ATP12A: variants seen among roughly 807,000 people sequenced by gnomAD.
ATP12A encodes ATPase H+/K+ transporting non-gastric alpha2 subunit, also known as potassium-transporting ATPase alpha chain 2.
A neutral mutation model predicts 111.2 loss-of-function variants in ATP12A; 81 were observed. The observed-to-expected ratio is 0.73, with a 90% confidence interval of 0.61 to 0.88. The LOEUF is 0.88. Among genes scored for constraint, ATP12A ranks in the 40% least tolerant of loss-of-function variants. The probability of loss-of-function intolerance (pLI) is 0.00; values close to 1 mark genes in which losing one functional copy is unlikely to be tolerated. For missense variants in ATP12A, 1,196 were observed against 1,313.1 expected (o/e 0.91, Z 1.38); for synonymous variants, 498 against 499.8 (o/e 1.00, Z 0.05).
chr13:24,686,368 A>T (rs1274508090), intron 3 of ATP12A, among the ~76,000 whole-genome samples: 1 of 148,910 alleles, frequency 6.7e-6, no homozygotes, highest in African/African-American at 2.5e-5. Context: ...GAAACCCAGG[A>T]GGCAGAGGTT....
chr13:24,697,772 CTT>C (rs1875228790), intron 11 of ATP12A, among the ~76,000 whole-genome samples: 1 of 151,692 alleles, frequency 6.6e-6, no homozygotes, highest in Admixed American at 6.6e-5. Flanking sequence ...TTCTCAATGT[CTT>C]TACTTGATCA....
chr13:24,689,586 C>A (rs895426), intron 5 of ATP12A, among the ~76,000 whole-genome samples: 1 of 152,096 alleles, frequency 6.6e-6, no homozygotes, highest in East Asian at 1.9e-4. Context: ...GCTGGTTAGC[C>A]CAAGGCATCT....
chr13:24,695,693 C>T (rs1387042809), intron 11 of ATP12A, among the ~76,000 whole-genome samples: 1 of 150,426 alleles, frequency 6.6e-6, no homozygotes, highest in East Asian at 2.0e-4. Context: ...CTGCAACCTC[C>T]GCCTCCCAGG....
In ATP12A at chr13:24,698,817, A is replaced by G; in HGVS notation, c.1672A>G (p.Met558Val). Residue 558 changes from methionine to valine, a missense_variant, in exon 12 of 23, where the codon ATG (methionine) becomes GTG (valine). By Grantham distance (21) the Met-to-Val change is conservative (BLOSUM62 1). Transcript: ENST00000381946. ...TGCCAAGACCTTCCACACAGCCTACATGGAGCTGGGCGGGTTGGGCGAGCG... is the reference window on the plus strand; with the variant it reads ...TGCCAAGACCTTCCACACAGCCTACGTGGAGCTGGGCGGGTTGGGCGAGCG... ...STAKTFHTAY[M>V]ELGGLGERVL... 1.9e-6 allele frequency: 3 copies of G among 1,614,012 alleles called. No homozygotes were observed. Among genetic ancestry groups the G allele is most frequent in the Non-Finnish European group, 2.5e-6 (3 of 1,180,022 alleles).
At position 24,690,933 on chromosome 13, in the gene ATP12A, C is replaced by A. The variant is rs752080019; in HGVS notation, c.800-49C>A. The A allele has an allele frequency of 1.7e-5, 28 of 1,605,932 alleles. No individual in the cohort carries two copies. The East Asian group carries it at 6.0e-4, about 35-fold the overall frequency. ...GAGAGGGCTGCAAGCTGGCTGCACA[C>A]CCCTCCTGGCTGAGGACCCCTGGAA... On this transcript the variant is annotated intron_variant, in intron 7 of 22. Transcript: ENST00000381946.
At chr13:24,687,208 C>A (rs1195097543) in intron 3 of ATP12A, among the ~76,000 whole-genome samples, 1 of 152,160 alleles carries the variant, frequency 6.6e-6, no homozygotes, top group Non-Finnish European at 1.5e-5. Flanking sequence ...GGTCTGTAAT[C>A]ATAGCACTTT....
intron 11 of ATP12A, among the ~76,000 whole-genome samples, chr13:24,698,368 G>A (rs1222171299): frequency 6.6e-6 from 1 of 152,084 alleles, no homozygotes; most frequent in Non-Finnish European, 1.5e-5. Context: ...GGCACCCTGG[G>A]AGATCTTGTT....
rs763161938 is a variant in ATP12A at position 24,700,795 on chromosome 13, C to A, written c.1754C>A (p.Ser585Ter). The A allele has an allele frequency of 3.1e-6, 5 of 1,614,102 alleles. No individual in the cohort carries two copies. The South Asian group carries it at 5.5e-5, about 18-fold the overall frequency. ...LPADEFPETYSFDIDAMNFPT... is the reference protein window; with the variant it reads ...LPADEFPETY ...GCAGACGAGTTTCCAGAAACCTACTCATTTGACATAGACGCTATGAACTTT... is the reference window on the plus strand; with the variant it reads ...GCAGACGAGTTTCCAGAAACCTACTAATTTGACATAGACGCTATGAACTTT... The change falls in exon 13 of 23, where the codon TCA becomes TAA. Residue 585 changes from serine to a stop codon, truncating the protein, a stop_gained. Transcript: ENST00000381946. LOFTEE classifies it high-confidence loss of function.
intron 17 of ATP12A, among the ~76,000 whole-genome samples, chr13:24,708,546 T>C (rs1875767723): frequency 6.6e-6 from 1 of 152,138 alleles, no homozygotes; most frequent in Admixed American, 6.5e-5. Flanking sequence ...GCTGCAGTGC[T>C]TCTCCAGGCC....
rs139542799 is a variant in ATP12A at position 24,693,185 on chromosome 13, A to G, written c.1377+289A>G. Among the ~76,000 whole-genome samples, 991 of 152,376 alleles carry G rather than the reference A, an allele frequency of 6.5e-3. 4 individuals carry two copies. The highest frequency in any genetic ancestry group is 0.017 in the Middle Eastern group (5 of 294). ...TGACTTTTCTGCCAGCTAAGTGGAT[A>G]TAATCAAAGTTCCTTTTAATATACA... On this transcript the variant is annotated intron_variant, in intron 10 of 22. Coordinates refer to ENST00000381946, the MANE Select transcript of ATP12A (RefSeq NM_001676.7).
At chr13:24,709,927 G>A in intron 19 of ATP12A, 99 bp downstream of exon 19, 3 of 1,527,480 alleles carry the variant, frequency 2.0e-6, no homozygotes, top group Non-Finnish European at 2.7e-6. Flanking sequence ...TGAACAGCCT[G>A]GGAAAGCTTC....
chr13:24,688,277 T>C, intron 3 of ATP12A, 42 bp from the exon 4 acceptor site: 1 of 1,563,824 alleles, frequency 6.4e-7, no homozygotes, highest in Non-Finnish European at 8.7e-7. Flanking sequence ...GTCTAATTCG[T>C]ATTTGTTTTG....
At position 24,690,637 on chromosome 13, in the gene ATP12A, C is replaced by G. The variant is rs772189463; in HGVS notation, c.715C>G (p.Pro239Ala). ...DNSSLTGESE[P>A]QPRSSEFTHE... The stretch of plus-strand genomic sequence containing the variant: ...CTCATCTCTCACGGGGGAGTCTGAG[C>G]CCCAGCCCCGCTCCTCTGAGTTTAC... Residue 239 changes from proline to alanine, a missense_variant, in exon 7 of 23, where the codon CCC becomes GCC. Pro to Ala is a conservative substitution (Grantham distance 27, BLOSUM62 -1). Transcript: ENST00000381946. 1.2e-6 allele frequency: 2 copies of G among 1,613,374 alleles called. No homozygotes were observed. The highest frequency in any genetic ancestry group is 2.2e-5 in the South Asian group (2 of 90,962).
At chr13:24,686,747 A>G (rs1312875317) in intron 3 of ATP12A, among the ~76,000 whole-genome samples, 1 of 147,796 alleles carries the variant, frequency 6.8e-6, no homozygotes, top group African/African-American at 2.5e-5. Flanking sequence ...GAAAGAAAAG[A>G]AGGAAAGAAA....
Position 24,709,692 on chromosome 13 carries a change from A to C in ATP12A, c.2627A>C (p.Gln876Pro). ...TCTCTTGTTCTTTCAGGCCTCATGCAAGCCCTGGGAGCTTTCCTTGTGTAT... is the reference window on the plus strand; with the variant it reads ...TCTCTTGTTCTTTCAGGCCTCATGCCAGCCCTGGGAGCTTTCCTTGTGTAT... ...VYSYLHIGLM[Q>P]ALGAFLVYFT... is the part of the protein sequence containing the mutation. Residue 876 changes from glutamine to proline, a missense_variant, in exon 19 of 23, where the codon CAA becomes CCA. This residue lies in a region of ATP12A where 1,126 missense variants were observed against 1,228.5 expected (regional missense o/e 0.92). Coordinates refer to ENST00000381946, the MANE Select transcript of ATP12A (RefSeq NM_001676.7). 1.2e-6 allele frequency: 2 copies of C among 1,614,168 alleles called. No individual in the cohort carries two copies. Among genetic ancestry groups the C allele is most frequent in the Non-Finnish European group, 1.7e-6 (2 of 1,180,002 alleles).
intron 11 of ATP12A, among the ~76,000 whole-genome samples, chr13:24,695,239 G>A (rs1250373469): frequency 6.6e-6 from 1 of 152,230 alleles, no homozygotes; most frequent in East Asian, 1.9e-4. Flanking sequence ...GGGGAGACCG[G>A]TGAGCAGCCC....
Position 24,680,418 on chromosome 13 carries a change from G to T in ATP12A, c.-326G>T, listed in dbSNP as rs769284504. 35 of 367,996 alleles carry T rather than the reference G, an allele frequency of 9.5e-5. No homozygotes were observed. The highest frequency in any genetic ancestry group is 2.8e-4 in the South Asian group (6 of 21,538). 22.8% of individuals were successfully genotyped at this position (367,996 alleles called of 1,614,324 possible). ...GATTCCCAGGGGGTCCTCAATCCTG[G>T]ACTCTCCCGACCCCTAGCTGTCGGT... On this transcript the variant is annotated 5_prime_UTR_variant, in exon 1 of 23. Transcript: ENST00000381946.
In ATP12A at chr13:24,692,435, C is replaced by T. The variant is rs761069302; in HGVS notation, c.1075C>T (p.Leu359=). 1 of 1,613,632 alleles carries T rather than the reference C, an allele frequency of 6.2e-7. No homozygotes were observed. Among genetic ancestry groups the T allele is most frequent in the Non-Finnish European group, 8.5e-7 (1 of 1,180,026 alleles). The stretch of plus-strand genomic sequence containing the variant: ...TCCTTCCCTCTCCTGCTAGGTGACC[C>T]TGTCGCTGACAGCAAAACGGATGGC... The part of the protein sequence containing the change: ...EGLLATVTVT[L]SLTAKRMAKK... The change falls in exon 9 of 23, where the codon CTG becomes TTG. Residue 359 remains leucine, a synonymous_variant. Coordinates refer to ENST00000381946, the MANE Select transcript of ATP12A (RefSeq NM_001676.7).
At chr13:24,690,240 T>A in intron 5 of ATP12A, 98 bp from the exon 6 acceptor site, 3 of 1,536,866 alleles carry the variant, frequency 2.0e-6, no homozygotes, top group Non-Finnish European at 2.6e-6. Flanking sequence ...ATCAGGAAGT[T>A]CCAAGGCCTC....
Sources: allele counts gnomAD v4.1 joint callset (sites outside exome capture counted in the v4.1 genomes callset), GRCh38; gene constraint gnomAD v4.1.1; regional missense constraint gnomAD v4.1.1; transcripts MANE v1.5; gene names NCBI Gene and HGNC (gene_info 2026-07-23, HGNC 2026-07-21).